MINK1: variants seen among roughly 807,000 people sequenced by gnomAD.
MINK1 encodes misshapen-like kinase 1.
Under a neutral mutation model 178.4 loss-of-function variants are expected in MINK1, and 46 were observed. That is an observed-to-expected ratio of 0.26 (90% CI 0.20 to 0.33). MINK1 has a LOEUF of 0.33. MINK1 is among the 10% of genes least tolerant of loss of function. The probability of loss-of-function intolerance (pLI) is 1.00; values close to 1 mark genes in which losing one functional copy is unlikely to be tolerated. For synonymous variants in MINK1, 797 were observed against 709.7 expected (o/e 1.12, Z -1.96); for missense variants, 1,366 against 1,814.9 (o/e 0.75, Z 4.49).
In MINK1 at chr17:4,878,363, C is replaced by A; in HGVS notation, c.104C>A (p.Thr35Asn). 1 of 1,537,372 alleles carries A rather than the reference C, an allele frequency of 6.5e-7. No individual in the cohort carries two copies. The highest frequency in any genetic ancestry group is 8.7e-7 in the Non-Finnish European group (1 of 1,146,874). Residue 35 changes from threonine to asparagine, a missense_variant, in exon 2 of 32, where the codon ACC (threonine) becomes AAC (asparagine). Coordinates refer to ENST00000355280, the MANE Select transcript of MINK1 (RefSeq NM_153827.5). ...CTTGTGGAGGTGGTCGGCAATGGAA[C>A]CTACGGACAGGTGTACAAGGTGAGA... ...FELVEVVGNG[T>N]YGQVYKGRHV...
intron 1 of MINK1, among the ~76,000 whole-genome samples, chr17:4,869,245 ATTATTTAT>A (rs147101749): frequency 0.024 from 3,332 of 141,494 alleles, 115 homozygotes; most frequent in African/African-American, 0.072. Context: ...TTTTTAAATT[ATTATTTAT>A]TTATTTATTT....
rs1273634501 is a variant in MINK1 at position 4,896,614 on chromosome 17, C to T, written c.3775+26C>T. On this transcript the variant is annotated intron_variant, in intron 30 of 31. Transcript: ENST00000355280. This position sits in a 1 kb window ranked among gnomAD's most constrained non-coding sequence, Gnocchi z 4.6. ...GTGAGTGAGCTGCCGCCCTCCCAGCCACATGCCCCGAGGTGGCCCCGGGGT... is the reference window on the plus strand; with the variant it reads ...GTGAGTGAGCTGCCGCCCTCCCAGCTACATGCCCCGAGGTGGCCCCGGGGT... The T allele has an allele frequency of 1.9e-6, 3 of 1,612,882 alleles. No individual in the cohort carries two copies. The highest frequency in any genetic ancestry group is 2.7e-5 in the African/African-American group (2 of 74,910).
At chr17:4,861,427 G>T (rs1914151451) in intron 1 of MINK1, among the ~76,000 whole-genome samples, 1 of 152,184 alleles carries the variant, frequency 6.6e-6, no homozygotes, top group African/African-American at 2.4e-5. Flanking sequence ...TGTTATTCCA[G>T]AGCCCCACCT....
chr17:4,861,434 A>G (rs1276275330), intron 1 of MINK1, among the ~76,000 whole-genome samples: 2 of 152,138 alleles, frequency 1.3e-5, no homozygotes, highest in East Asian at 1.9e-4. Flanking sequence ...CCAGAGCCCC[A>G]CCTTTCAATA....
In MINK1 at chr17:4,895,172, C is replaced by T; in HGVS notation, c.3015C>T (p.His1005=). ...VNVNPTNTRA[H]SETPEIRKYK... ...TGAATCCCACCAACACCCGGGCCCA[C>T]AGTGAGACCCCTGAGATCCGGAAGT... The change falls in exon 25 of 32, where the codon CAC becomes CAT. Residue 1005 remains histidine, a synonymous_variant. Coordinates refer to ENST00000355280, the MANE Select transcript of MINK1 (RefSeq NM_153827.5). The surrounding 1 kb of genome is among the most constrained non-coding windows in gnomAD (Gnocchi z 4.3). 10 of 1,614,092 alleles carry T rather than the reference C, an allele frequency of 6.2e-6. No individual in the cohort carries two copies. The highest frequency in any genetic ancestry group is 8.5e-6 in the Non-Finnish European group (10 of 1,180,006).
At chr17:4,870,237 G>C (rs1402193072) in intron 1 of MINK1, among the ~76,000 whole-genome samples, 1 of 124,952 alleles carries the variant, frequency 8.0e-6, no homozygotes, top group African/African-American at 3.2e-5. Flanking sequence ...TTTTTTTTGA[G>C]ACTGTTTTAT....
rs116634296 is a variant in MINK1 at position 4,854,565 on chromosome 17, G to C, written c.57+20925G>C. ...TGCCTCTGCATGTACCTGCAAGTCA[G>C]TGTGTGTGTGCATGCGTGTGTCTCA... On this transcript the variant is annotated intron_variant, in intron 1 of 31. Transcript: ENST00000355280. Among the ~76,000 whole-genome samples, 227 of 152,308 alleles carry C rather than the reference G, an allele frequency of 1.5e-3. 1 individual carries two copies. Among genetic ancestry groups the C allele is most frequent in the African/African-American group, 5.1e-3 (213 of 41,566 alleles).
intron 16 of MINK1, 133 bp downstream of exon 16, chr17:4,891,849 C>G: frequency 7.7e-7 from 1 of 1,293,696 alleles, no homozygotes; most frequent in Non-Finnish European, 1.0e-6. Flanking sequence ...GCTGCCCTGC[C>G]GGGGTCAGCC....
At chr17:4,890,925 C>T (rs1397429185) in intron 14 of MINK1, 26 bp from the exon 15 acceptor site, 1 of 1,552,020 alleles carries the variant, frequency 6.4e-7, no homozygotes, top group East Asian at 2.4e-5. Context: ...AAGAGCTGGC[C>T]TGCTTGACAT....
intron 12 of MINK1, 137 bp from the exon 13 acceptor site, chr17:4,889,510 T>C (rs1968552698): frequency 2.6e-6 from 2 of 767,766 alleles, no homozygotes; most frequent in Non-Finnish European, 4.4e-6. Flanking sequence ...ATGGGTATAG[T>C]TGCAGAAACA....
intron 21 of MINK1, 141 bp from the exon 22 acceptor site, chr17:4,893,847 A>G: frequency 1.2e-6 from 1 of 858,714 alleles, no homozygotes; most frequent in South Asian, 1.9e-5. Context: ...CTCACGGTGG[A>G]GCAGGGGCTA....
intron 1 of MINK1, among the ~76,000 whole-genome samples, chr17:4,850,527 C>CG (rs1555529658): frequency 1.3e-5 from 2 of 151,002 alleles, no homozygotes; most frequent in African/African-American, 2.4e-5. Flanking sequence ...TGGCCCCCCC[C>CG]GCCCTCTACC....
rs753927319 is a variant in MINK1, at chr17:4,897,263, C to T, written c.3975C>T (p.Asn1325=). The change falls in exon 32 of 32, where the codon AAC becomes AAT. Residue 1325 remains asparagine, a synonymous_variant. Transcript: ENST00000355280. ...GCCAAGTTTACTTCATGACTCTGAA[C>T]CGTAACTGCATCATGAACTGGTGAC... ...GSSQVYFMTL[N]RNCIMNW The T allele has an allele frequency of 6.2e-7, 1 of 1,613,786 alleles. No individual in the cohort carries two copies. Among genetic ancestry groups the T allele is most frequent in the Non-Finnish European group, 8.5e-7 (1 of 1,179,750 alleles).
At chr17:4,844,025 T>C (rs1910631717) in intron 1 of MINK1, among the ~76,000 whole-genome samples, 1 of 152,064 alleles carries the variant, frequency 6.6e-6, no homozygotes. Flanking sequence ...TTTTTTGAGA[T>C]GAACTCTTGC....
Position 4,887,396 on chromosome 17 carries a change from TAGGAA to T in MINK1, c.1020-179_1020-175del, listed in dbSNP as rs1204049681. Among the ~76,000 whole-genome samples, 1 of 151,662 alleles carries T rather than the reference TAGGAA, an allele frequency of 6.6e-6. No individual in the cohort carries two copies. The highest frequency in any genetic ancestry group is 2.4e-5 in the African/African-American group (1 of 41,248). ...TGGTGAATGTGGGGCGCAGCAGTAA[TAGGAA>T]AGGAGGACAGGACTGAAGACTGGGC... is the stretch of plus-strand genomic sequence containing the variant. On this transcript the variant is annotated intron_variant, in intron 11 of 31. Coordinates refer to ENST00000355280, the MANE Select transcript of MINK1 (RefSeq NM_153827.5). The surrounding 1 kb of genome is among the most constrained non-coding windows in gnomAD (Gnocchi z 7.6).
chr17:4,889,243 C>A (rs1968527401), intron 12 of MINK1, among the ~76,000 whole-genome samples: 1 of 152,258 alleles, frequency 6.6e-6, no homozygotes, highest in South Asian at 2.1e-4. Flanking sequence ...TGCACGGGCA[C>A]CTGGTGCCCT....
intron 1 of MINK1, among the ~76,000 whole-genome samples, chr17:4,856,542 C>G (rs1283042508): frequency 6.6e-6 from 1 of 152,114 alleles, no homozygotes; most frequent in East Asian, 1.9e-4. Context: ...ATCCAAGGAG[C>G]CTCCGCAATG....
rs1381598384 is a variant in MINK1, at chr17:4,889,741, G to A, written c.1325G>A (p.Arg442Gln). The A allele has an allele frequency of 2.6e-6, 4 of 1,543,280 alleles. No individual in the cohort carries two copies. In the African/African-American group the frequency reaches 4.1e-5, roughly 16 times the overall value. ...CAGGCTCTGCGGCGGGAGGAGGAGC[G>A]GCGGCAGGCGGAGCGCGAGCAGGTA... Reference protein sequence around the residue: ...DMQALRREEERRQAEREQEYK... With the variant: ...DMQALRREEEQRQAEREQEYK... The change falls in exon 13 of 32, where the codon CGG becomes CAG. Residue 442 changes from arginine to glutamine, a missense_variant. Physicochemically the swap from Arg to Gln is conservative, Grantham distance 43. This residue lies in a region of MINK1 where 87 missense variants were observed against 78.9 expected (regional missense o/e 1.10). Coordinates refer to ENST00000355280, the MANE Select transcript of MINK1 (RefSeq NM_153827.5).
Position 4,864,660 on chromosome 17 carries a change from T to A in MINK1, c.58-13657T>A, listed in dbSNP as rs577112090. On this transcript the variant is annotated intron_variant, in intron 1 of 31. Transcript: ENST00000355280. The stretch of plus-strand genomic sequence containing the variant: ...GAATCGCTTGAACCCGGGAGATAGA[T>A]GTTGCAGTGAGCCGAGATCGCACCA... Among the ~76,000 whole-genome samples, 29 of 151,086 alleles carry A rather than the reference T, an allele frequency of 1.9e-4. No homozygotes were observed. The South Asian group carries it at 5.9e-3, about 31-fold the overall frequency.
Sources: gnomAD v4.1 joint callset for allele counts (sites outside exome capture counted in the v4.1 genomes callset) on GRCh38, gnomAD v4.1.1 for gene constraint, gnomAD v4.1.1 regional missense constraint, Gnocchi (gnomAD v3.1) non-coding constraint, MANE v1.5 for transcripts, NCBI Gene and HGNC (gene_info 2026-07-23, HGNC 2026-07-21) for gene names.